The following TPO variants were observed in gnomAD, a reference collection of about 807,000 sequenced individuals.
TPO encodes the protein thyroid microsomal antigen.
Under a neutral mutation model 96.9 loss-of-function variants are expected in TPO, and 78 were observed. That is an observed-to-expected ratio of 0.81 (90% confidence interval 0.67 to 0.97). TPO has a LOEUF of 0.97. Ranked by LOEUF, TPO falls within the 50% of genes least tolerant of loss-of-function variation. The pLI is 0.00. For missense variants in TPO, 1,252 were observed against 1,274.8 expected, an observed-to-expected ratio of 0.98 and a Z score of 0.27; for synonymous variants, 547 against 538.0, an observed-to-expected ratio of 1.02 and a Z score of -0.23.
intron 15 of TPO, among the ~76,000 whole-genome samples, chr2:1,527,399 C>T (rs1410489363): frequency 6.8e-6 from 1 of 147,254 alleles, no homozygotes. Flanking sequence ...AAATCCCCCC[C>T]ACTGTGTGCA....
At chr2:1,540,446 C>T in intron 15 of TPO, 148 bp from the exon 16 acceptor site, 2 of 1,567,836 alleles carry the variant, frequency 1.3e-6, no homozygotes, top group Non-Finnish European at 1.7e-6. Flanking sequence ...TTATGATCGA[C>T]TTGACTGAAG....
At chr2:1,480,198 CTG>C (rs1314045457) in intron 8 of TPO, among the ~76,000 whole-genome samples, 3 of 152,208 alleles carry the variant, frequency 2.0e-5, no homozygotes, top group African/African-American at 7.2e-5. Flanking sequence ...TTTTAAAAAA[CTG>C]TGAACATTCT....
Position 1,456,884 on chromosome 2 carries a change from G to T in TPO, c.819+602G>T, listed in dbSNP as rs1450278133. On this transcript the variant is annotated intron_variant, in intron 7 of 16. Coordinates refer to ENST00000329066, the MANE Select transcript of TPO (RefSeq NM_001206744.2). Reference sequence around the variant, plus strand: ...ATATGTAGCATGTATGATAGTGTGTGGGCAGATGTGTACATAGCATGTATG... The same window carrying T: ...ATATGTAGCATGTATGATAGTGTGTTGGCAGATGTGTACATAGCATGTATG... Among the ~76,000 whole-genome samples, 3 of 15,894 alleles carry T rather than the reference G, an allele frequency of 1.9e-4. 1 individual carries two copies. Among genetic ancestry groups the T allele is most frequent in the African/African-American group, 4.7e-4 (3 of 6,322 alleles). 10.4% of individuals were successfully genotyped at this position (15,894 alleles called of 152,430 possible).
intron 3 of TPO, among the ~76,000 whole-genome samples, chr2:1,428,084 A>T (rs1324167214): frequency 4.6e-5 from 7 of 152,230 alleles, no homozygotes; most frequent in African/African-American, 1.4e-4. Context: ...ATGCGAAACC[A>T]GCTAGAGTCA....
At chr2:1,425,314 A>C (rs1407628308) in intron 3 of TPO, among the ~76,000 whole-genome samples, 1 of 151,672 alleles carries the variant, frequency 6.6e-6, no homozygotes, top group South Asian at 2.1e-4. Flanking sequence ...GAGATGAGTT[A>C]GATCATTTCA....
chr2:1,374,993 T>C (rs1245149614), intron 1 of TPO, among the ~76,000 whole-genome samples: 2 of 152,156 alleles, frequency 1.3e-5, no homozygotes, highest in East Asian at 1.9e-4. Flanking sequence ...CCTCCCAAAG[T>C]GTTGGGATTA....
At chr2:1,483,030 C>T (rs1191909342) in intron 8 of TPO, among the ~76,000 whole-genome samples, 1 of 152,200 alleles carries the variant, frequency 6.6e-6, no homozygotes, top group Non-Finnish European at 1.5e-5. Context: ...GGTGCTTCTG[C>T]CCAACCTCGA....
intron 15 of TPO, among the ~76,000 whole-genome samples, chr2:1,537,007 C>G (rs1558439625): frequency 4.4e-4 from 45 of 102,212 alleles, no homozygotes; most frequent in African/African-American, 7.3e-4. Context: ...CTCAAATCCC[C>G]CCACTGTGTG....
chr2:1,401,487 AGCC>A (rs1300515373), intron 1 of TPO, among the ~76,000 whole-genome samples: 2 of 152,034 alleles, frequency 1.3e-5, no homozygotes, highest in East Asian at 3.9e-4. Flanking sequence ...CCAGCCCTGG[AGCC>A]TTCCCAGCCT....
At chr2:1,532,084 TCCCCCACTGTGTGCAACCCCCACAAATC>T (rs1354754966) in intron 15 of TPO, among the ~76,000 whole-genome samples, 3 of 40,054 alleles carry the variant, frequency 7.5e-5, no homozygotes, top group African/African-American at 2.2e-4. Flanking sequence ...CTTCCTCAAG[TCCCCCACTGTGTGCAACCCCCACAAATC>T]CCCCCACTGT....
intron 14 of TPO, among the ~76,000 whole-genome samples, chr2:1,509,867 C>G (rs1427053184): frequency 6.6e-6 from 1 of 151,392 alleles, no homozygotes; most frequent in Non-Finnish European, 1.5e-5. Context: ...TTCAGGCACA[C>G]CCCACTCTCT....
intron 7 of TPO, among the ~76,000 whole-genome samples, chr2:1,473,237 G>C (rs1669599424): frequency 6.6e-6 from 1 of 152,136 alleles, no homozygotes; most frequent in Admixed American, 6.5e-5. Context: ...TTACAGCACG[G>C]GTTTCCATTC....
intron 5 of TPO, among the ~76,000 whole-genome samples, chr2:1,440,126 C>T (rs950002569): frequency 1.3e-5 from 2 of 151,766 alleles, no homozygotes; most frequent in Non-Finnish European, 2.9e-5. Flanking sequence ...CAATGTGCTA[C>T]ATTTCCACTG....
At chr2:1,434,501 A>G (rs990921998) in intron 4 of TPO, among the ~76,000 whole-genome samples, 4 of 152,184 alleles carry the variant, frequency 2.6e-5, no homozygotes, top group Non-Finnish European at 5.9e-5. Context: ...CTTTCAAACC[A>G]TATGGCTGAA....
At chr2:1,387,982 C>T (rs1407789734) in intron 1 of TPO, among the ~76,000 whole-genome samples, 1 of 152,194 alleles carries the variant, frequency 6.6e-6, no homozygotes, top group East Asian at 1.9e-4. Context: ...CCCCTCCAGA[C>T]CCTGTTTGCC....
intron 7 of TPO, among the ~76,000 whole-genome samples, chr2:1,474,899 T>G (rs1166989541): frequency 3.3e-5 from 5 of 152,270 alleles, no homozygotes; most frequent in Non-Finnish European, 5.9e-5. Flanking sequence ...TTTTAACTTC[T>G]GCATGCATTA....
chr2:1,505,905 A>C (rs1673401948), intron 14 of TPO, among the ~76,000 whole-genome samples: 2 of 150,956 alleles, frequency 1.3e-5, no homozygotes, highest in Admixed American at 6.6e-5. Flanking sequence ...GTACATGTGC[A>C]CAACGTGCAG....
In TPO at chr2:1,483,914, C is replaced by T. The variant is rs575226812; in HGVS notation, c.1339-682C>T. Among the ~76,000 whole-genome samples the T allele has an allele frequency of 1.2e-4, 19 of 152,264 alleles. No homozygotes were observed. In the East Asian group the frequency reaches 3.5e-3, roughly 28 times the overall value. On this transcript the variant is annotated intron_variant, in intron 8 of 16. Transcript: ENST00000329066. Reference sequence around the variant, plus strand: ...TAATATTGGTTATTTTTAAACAATCCACTTGCCTTCCTAAACTGGTAAGCT... The same window carrying T: ...TAATATTGGTTATTTTTAAACAATCTACTTGCCTTCCTAAACTGGTAAGCT...
At chr2:1,416,542 T>C (rs1662977899) in intron 2 of TPO, among the ~76,000 whole-genome samples, 1 of 152,256 alleles carries the variant, frequency 6.6e-6, no homozygotes, top group Non-Finnish European at 1.5e-5. Context: ...TTTCCATATC[T>C]GGGAGATTTG....
Sources: allele counts gnomAD v4.1 joint callset (sites outside exome capture counted in the v4.1 genomes callset), GRCh38; gene constraint gnomAD v4.1.1; transcripts MANE v1.5; gene names NCBI Gene and HGNC (gene_info 2026-07-23, HGNC 2026-07-21).